LMO7: variants seen among roughly 807,000 people sequenced by gnomAD.
LMO7 encodes LIM domain only protein 7.
In LMO7, 120 loss-of-function variants were observed where a neutral mutation model predicts 206.5. The ratio of observed to expected loss-of-function variants is 0.58; its 90% confidence interval spans 0.50 to 0.68. The LOEUF is 0.68. Among genes scored for constraint, LMO7 ranks in the 30% least tolerant of loss-of-function variants. The pLI, the probability that LMO7 is intolerant of heterozygous loss-of-function variation, is 0.00. For missense variants in LMO7, 1,959 were observed against 1,957.9 expected (o/e 1.00, Z -0.01); for synonymous variants, 706 against 681.5 (o/e 1.04, Z -0.56).
chr13:75,764,842 C>A (rs2048646958), intron 4 of LMO7, among the ~76,000 whole-genome samples: 1 of 151,996 alleles, frequency 6.6e-6, no homozygotes, highest in Non-Finnish European at 1.5e-5. Context: ...CAAAGAAATT[C>A]TTTTCTAGTG....
At chr13:75,672,485 A>C (rs2039672699) in intron 1 of LMO7, among the ~76,000 whole-genome samples, 1 of 152,072 alleles carries the variant, frequency 6.6e-6, no homozygotes, top group South Asian at 2.1e-4. Context: ...AGGTGATACA[A>C]TTGCATTGTA....
Position 75,808,074 on chromosome 13 carries a change from A to C in LMO7, c.1791A>C (p.Lys597Asn). The change falls in exon 10 of 31, where the codon AAA becomes AAC. Residue 597 changes from lysine to asparagine, a missense_variant. Physicochemically the swap from Lys to Asn is moderately conservative, Grantham distance 94. Coordinates refer to ENST00000377534, the MANE Select transcript of LMO7 (RefSeq NM_001306080.2). Reference protein sequence around the residue: ...DMLTRKIQSWKLGTTVPPISF... With the variant: ...DMLTRKIQSWNLGTTVPPISF... Reference sequence around the variant, plus strand: ...TGACACGTAAGATTCAGTCCTGGAAACTGGGAACTACCGTGCCTCCCATCA... The same window carrying C: ...TGACACGTAAGATTCAGTCCTGGAACCTGGGAACTACCGTGCCTCCCATCA... 6.2e-7 allele frequency: 1 copy of C among 1,613,952 alleles called. No homozygotes were observed. Among genetic ancestry groups the C allele is most frequent in the Non-Finnish European group, 8.5e-7 (1 of 1,179,872 alleles).
intron 25 of LMO7, 85 bp from the exon 26 acceptor site, chr13:75,845,242 G>A: frequency 1.6e-6 from 1 of 642,890 alleles, no homozygotes; most frequent in South Asian, 2.5e-5. Flanking sequence ...GCTTTAAAAA[G>A]CAATCTCTTC....
At chr13:75,806,249 CG>C (rs2055443748) in intron 9 of LMO7, 1 of 989,890 alleles carries the variant, frequency 1.0e-6, no homozygotes, top group African/African-American at 1.7e-5. Context: ...AGTAGTGCTT[CG>C]GATGAGCCCA....
intron 18 of LMO7, among the ~76,000 whole-genome samples, chr13:75,836,177 A>T (rs1251616670): frequency 6.6e-6 from 1 of 152,204 alleles, no homozygotes; most frequent in African/African-American, 2.4e-5. Flanking sequence ...GATTAAACTT[A>T]AACTCATCCA....
chr13:75,621,016 T>G (rs950827915), exon 1 of LMO7: 3 of 152,198 alleles, frequency 2.0e-5, no homozygotes, highest in African/African-American at 7.2e-5. Flanking sequence ...GGTTTTATTC[T>G]TGGCACTTAC....
chr13:75,787,193 A>G (rs953784543), intron 4 of LMO7, among the ~76,000 whole-genome samples: 1 of 152,306 alleles, frequency 6.6e-6, no homozygotes, highest in South Asian at 2.1e-4. Context: ...TAGTCACCTT[A>G]ATATGCACTC....
intron 15 of LMO7, among the ~76,000 whole-genome samples, chr13:75,825,073 A>G (rs2057982907): frequency 6.6e-6 from 1 of 152,082 alleles, no homozygotes; most frequent in Admixed American, 6.6e-5. Context: ...ACATCTAGGT[A>G]TATTTCTTTT....
At chr13:75,798,815 C>A (rs1194514918) in intron 6 of LMO7, among the ~76,000 whole-genome samples, 1 of 152,146 alleles carries the variant, frequency 6.6e-6, no homozygotes, top group East Asian at 1.9e-4. Flanking sequence ...CAGCGTGCCT[C>A]CTTAAAAGCC....
intron 9 of LMO7, chr13:75,806,223 T>C: frequency 2.1e-5 from 21 of 992,272 alleles, no homozygotes; most frequent in Non-Finnish European, 2.5e-5. Flanking sequence ...CGGACTCCCA[T>C]GCAGCCAGGA....
chr13:75,844,205 CT>C (rs1729636115), intron 25 of LMO7, among the ~76,000 whole-genome samples: 12 of 152,170 alleles, frequency 7.9e-5, no homozygotes, highest in South Asian at 2.1e-4. Flanking sequence ...GGCTAGACAT[CT>C]GGTAATAAGT....
In LMO7 at chr13:75,805,771, G is replaced by A. The variant is rs376395749; in HGVS notation, c.1196+11G>A. 1.4e-4 allele frequency: 226 copies of A among 1,611,828 alleles called. No individual in the cohort carries two copies. The African/African-American group carries it at 2.3e-3, about 17-fold the overall frequency. On this transcript the variant is annotated intron_variant, in intron 9 of 30. Coordinates refer to ENST00000377534, the MANE Select transcript of LMO7 (RefSeq NM_001306080.2). ...ATTTCAGGGATTCAGGTTTGTCGTT[G>A]TGCATGTTTCTGTCACACCAGTGTT...
At chr13:75,723,180 AAAAAT>A (rs1779457334) in intron 2 of LMO7, among the ~76,000 whole-genome samples, 2 of 150,970 alleles carry the variant, frequency 1.3e-5, no homozygotes, top group Admixed American at 1.3e-4. Flanking sequence ...ACTGAAATAA[AAAAAT>A]AAAAGATTAA....
rs536320447 is a variant in LMO7 at position 75,761,722 on chromosome 13, A to G, written c.317+684A>G. On this transcript the variant is annotated intron_variant, in intron 4 of 30. Transcript: ENST00000377534. ...CTTATGATATTTATTTATATTTCCT[A>G]TAAATCTAATTTGCTTCCAGGCAAT... is the stretch of plus-strand genomic sequence containing the variant. Among the ~76,000 whole-genome samples, 71 of 152,258 alleles carry G rather than the reference A, an allele frequency of 4.7e-4. No homozygotes were observed. In the Middle Eastern group the frequency reaches 0.01, roughly 22 times the overall value.
chr13:75,787,011 A>G (rs1240449286), intron 4 of LMO7, among the ~76,000 whole-genome samples: 3 of 152,214 alleles, frequency 2.0e-5, no homozygotes, highest in African/African-American at 7.2e-5. Flanking sequence ...GTCCTACTTT[A>G]TACTTAATTA....
At chr13:75,741,469 G>A (rs2046409054) in intron 3 of LMO7, among the ~76,000 whole-genome samples, 1 of 152,180 alleles carries the variant, frequency 6.6e-6, no homozygotes, top group African/African-American at 2.4e-5. Context: ...GAACATCGAT[G>A]CAAAAATCCT....
At chr13:75,840,027 A>G (rs563347204) in intron 20 of LMO7, 58 bp from the exon 21 acceptor site, 51 of 1,528,924 alleles carry the variant, frequency 3.3e-5, no homozygotes, top group Non-Finnish European at 5.4e-6. Flanking sequence ...GAATTATTTC[A>G]TAGAAATGAA....
chr13:75,622,575 AC>A (rs1232879581), intron 1 of LMO7, among the ~76,000 whole-genome samples: 1 of 152,232 alleles, frequency 6.6e-6, no homozygotes, highest in African/African-American at 2.4e-5. Context: ...TACTTTAAGA[AC>A]TATAAGTCTA....
chr13:75,807,645 G>C lies in LMO7; in HGVS notation c.1362G>C (p.Leu454=). The change falls in exon 10 of 31, where the codon CTG becomes CTC. Residue 454 remains leucine (L), a synonymous_variant. Coordinates refer to ENST00000377534, the MANE Select transcript of LMO7 (RefSeq NM_001306080.2). The part of the protein sequence containing the change: ...YRRDDLEMAA[L]DPDLENDDFF... ...GAGATGACCTCGAGATGGCAGCCCT[G>C]GATCCTGACTTAGAGAATGATGATT... 6.2e-7 allele frequency: 1 copy of C among 1,613,934 alleles called. No homozygotes were observed. The highest frequency in any genetic ancestry group is 8.5e-7 in the Non-Finnish European group (1 of 1,179,872).
Sources: allele counts gnomAD v4.1 joint callset (sites outside exome capture counted in the v4.1 genomes callset), GRCh38; gene constraint gnomAD v4.1.1; transcripts MANE v1.5; gene names NCBI Gene and HGNC (gene_info 2026-07-23, HGNC 2026-07-21).